Variants in FLT1 observed in about 807,000 individuals in gnomAD.
FLT1 encodes the protein vascular endothelial growth factor receptor 1.
A neutral mutation model predicts 156.3 loss-of-function variants in FLT1; 49 were observed. The ratio of observed to expected loss-of-function variants is 0.31; its 90% CI spans 0.25 to 0.40. The LOEUF is 0.40. Ranked by LOEUF, FLT1 falls within the 10% of genes least tolerant of loss-of-function variation. The pLI, the probability that FLT1 is intolerant of heterozygous loss-of-function variation, is 1.00. For missense variants in FLT1, 1,322 were observed against 1,637.2 expected, an observed-to-expected ratio of 0.81 and a Z score of 3.32; for synonymous variants, 594 against 583.8, an observed-to-expected ratio of 1.02 and a Z score of -0.25.
intron 14 of FLT1, among the ~76,000 whole-genome samples, chr13:28,366,561 C>A (rs1246471717): frequency 3.9e-5 from 6 of 152,056 alleles, no homozygotes; most frequent in African/African-American, 1.5e-4. Flanking sequence ...CCTCCGCCTC[C>A]TGGGTTCAAG....
chr13:28,453,450 C>G (rs1879095954), intron 3 of FLT1, among the ~76,000 whole-genome samples: 1 of 152,112 alleles, frequency 6.6e-6, no homozygotes, highest in Admixed American at 6.5e-5. Context: ...TAATGTATCC[C>G]AAGGTTGGAT....
chr13:28,387,848 C>G, intron 13 of FLT1: 4 of 1,042,670 alleles, frequency 3.8e-6, no homozygotes, highest in Non-Finnish European at 3.5e-6. Flanking sequence ...ATTAATTACA[C>G]AGTGAACAAC....
At chr13:28,412,323 TTCTTTCTTTTCTTTCTTTCTTTCTTTC>T (rs1876264401) in intron 10 of FLT1, among the ~76,000 whole-genome samples, 3 of 37,056 alleles carry the variant, frequency 8.1e-5, no homozygotes, top group Non-Finnish European at 1.4e-4. Context: ...CTTTCTTTCT[TTCTTTCTTTTCTTTCTTTCTTTCTTTC>T]TCTTTCTTTC....
At chr13:28,320,213 T>C (rs1871387137) in intron 23 of FLT1, among the ~76,000 whole-genome samples, 1 of 152,108 alleles carries the variant, frequency 6.6e-6, no homozygotes, top group Admixed American at 6.6e-5. Context: ...GGAGGCTGAC[T>C]CAGATACAGA....
intron 14 of FLT1, chr13:28,368,785 A>G: frequency 5.1e-6 from 3 of 582,528 alleles, no homozygotes; most frequent in Admixed American, 5.7e-5. Context: ...GCGCACTGCA[A>G]TCTCCACCTT....
intron 14 of FLT1, among the ~76,000 whole-genome samples, chr13:28,363,888 G>A (rs1362780985): frequency 6.8e-6 from 1 of 147,850 alleles, no homozygotes; most frequent in South Asian, 2.1e-4. Flanking sequence ...GATTACAGGG[G>A]TGAACCACTG....
chr13:28,475,465 C>A (rs1314477462), intron 1 of FLT1, among the ~76,000 whole-genome samples: 1 of 152,164 alleles, frequency 6.6e-6, no homozygotes, highest in Non-Finnish European at 1.5e-5. Flanking sequence ...AATTTAAGAT[C>A]ATGAGCCTTT....
intron 14 of FLT1, among the ~76,000 whole-genome samples, chr13:28,372,072 A>ATTTT (rs1565990471): frequency 7.1e-4 from 11 of 15,518 alleles, no homozygotes; most frequent in Non-Finnish European, 1.4e-3. Flanking sequence ...ATATATATAT[A>ATTTT]TATATTTTTT....
intron 15 of FLT1, among the ~76,000 whole-genome samples, chr13:28,355,711 G>A (rs532751696): frequency 2.0e-5 from 3 of 152,280 alleles, no homozygotes; most frequent in South Asian, 2.1e-4. Context: ...TGGCAAGTCC[G>A]GCTCACTAAT....
intron 3 of FLT1, among the ~76,000 whole-genome samples, chr13:28,445,011 A>G (rs371234172): frequency 2.4e-4 from 36 of 152,330 alleles, no homozygotes; most frequent in African/African-American, 8.4e-4. Flanking sequence ...CATAAGGGAG[A>G]AAATAATAAA....
intron 3 of FLT1, among the ~76,000 whole-genome samples, chr13:28,455,217 T>G (rs1216591653): frequency 6.6e-6 from 1 of 152,088 alleles, no homozygotes; most frequent in Non-Finnish European, 1.5e-5. Flanking sequence ...AAGAGCAAAG[T>G]TGGAAGACTG....
intron 1 of FLT1, among the ~76,000 whole-genome samples, chr13:28,474,507 C>CACACACACACACACACAG (rs1193451656): frequency 1.7e-4 from 25 of 150,696 alleles, no homozygotes; most frequent in African/African-American, 6.0e-4. Flanking sequence ...CACACACACA[C>CACACACACACACACACAG]ACACACACAC....
intron 10 of FLT1, among the ~76,000 whole-genome samples, chr13:28,422,119 A>C (rs1353130023): frequency 2.0e-5 from 3 of 152,254 alleles, no homozygotes; most frequent in Non-Finnish European, 4.4e-5. Context: ...TGCCTAATAA[A>C]TATTTGTGTG....
chr13:28,387,033 C>T (rs552432547), intron 13 of FLT1: 364 of 1,037,322 alleles, frequency 3.5e-4, no homozygotes, highest in Middle Eastern at 4.5e-4. Flanking sequence ...AACACAGACA[C>T]GATTTGGACT....
At chr13:28,452,711 C>G (rs947785008) in intron 3 of FLT1, among the ~76,000 whole-genome samples, 1 of 152,080 alleles carries the variant, frequency 6.6e-6, no homozygotes, top group East Asian at 1.9e-4. Context: ...GAGACTGTCA[C>G]TCATGTCTCC....
chr13:28,342,946 T>TCTC (rs1872393348), intron 16 of FLT1, among the ~76,000 whole-genome samples: 4 of 143,004 alleles, frequency 2.8e-5, no homozygotes, highest in South Asian at 2.2e-4. Flanking sequence ...CTTTCTTTCT[T>TCTC]TCTCTCTCTC....
rs772073280 is a variant in FLT1, at chr13:28,431,044, T to C, written c.988+92A>G. 4 of 1,158,666 alleles carry C rather than the reference T, an allele frequency of 3.5e-6. No individual in the cohort carries two copies. In the South Asian group the frequency reaches 3.7e-5, roughly 11 times the overall value. 71.8% of individuals were successfully genotyped at this position (1,158,666 alleles called of 1,614,324 possible). Reference sequence around the variant, plus strand: ...TATTCATTCATGATAATGTAACTCTTGGCCAACAGAAAACTGACTTATTTA... The same window carrying C: ...TATTCATTCATGATAATGTAACTCTCGGCCAACAGAAAACTGACTTATTTA... On this transcript the variant is annotated intron_variant, in intron 7 of 29. Coordinates refer to ENST00000282397, the MANE Select transcript of FLT1 (RefSeq NM_002019.4).
intron 4 of FLT1, 131 bp from the exon 5 acceptor site, chr13:28,434,351 A>AG: frequency 1.2e-6 from 1 of 847,024 alleles, no homozygotes; most frequent in Non-Finnish European, 1.9e-6. Context: ...TTTGCTTATA[A>AG]CAAACTAGGT....
rs1566050914 is a variant in FLT1, at chr13:28,473,826, GA to G, written c.65-6210del. ...AGAAAGAAAGAAAGAAAGAAAGAAA[GA>G]AAGAAAGAAAGGAAGAAAGAAAGAA... On this transcript the variant is annotated intron_variant, in intron 1 of 29. Coordinates refer to ENST00000282397, the MANE Select transcript of FLT1 (RefSeq NM_002019.4). 1.8e-3 allele frequency among the ~76,000 whole-genome samples: 223 copies of G among 122,768 alleles called. 6 individuals carry two copies. Among genetic ancestry groups the G allele is most frequent in the South Asian group, 4.0e-3 (16 of 4,044 alleles). 80.5% of individuals were successfully genotyped at this position (122,768 alleles called of 152,430 possible). A position where few individuals can be genotyped will look rare whatever the true frequency, so the allele number is the denominator to read the frequency against.
Sources: gnomAD v4.1 joint callset for allele counts (sites outside exome capture counted in the v4.1 genomes callset) on GRCh38, gnomAD v4.1.1 for gene constraint, MANE v1.5 for transcripts, NCBI Gene and HGNC (gene_info 2026-07-23, HGNC 2026-07-21) for gene names.